The following RIOK2 variants were observed in gnomAD, a reference collection of about 807,000 sequenced individuals.
The protein encoded by RIOK2 is serine/threonine-protein kinase RIO2.
Under a neutral mutation model 62.4 loss-of-function variants are expected in RIOK2, and 46 were observed. That is an observed-to-expected ratio of 0.74 (90% CI 0.58 to 0.94). The LOEUF (loss-of-function observed/expected upper bound fraction) is 0.94. RIOK2 is among the 40% of genes least tolerant of loss of function. RIOK2 has a pLI of 0.00. For synonymous variants in RIOK2, 197 were observed against 216.0 expected (o/e 0.91, Z 0.77); for missense variants, 574 against 658.0 (o/e 0.87, Z 1.40).
At chr5:97,179,978 AT>A (rs1424052766) in intron 1 of RIOK2, among the ~76,000 whole-genome samples, 1 of 22,132 alleles carries the variant, frequency 4.5e-5, no homozygotes, top group African/African-American at 1.3e-4. Flanking sequence ...TATATATATA[AT>A]ATATATATAT....
intron 8 of RIOK2, 25 bp downstream of exon 8, chr5:97,167,442 A>G (rs1437063215): frequency 6.3e-6 from 10 of 1,596,896 alleles, no homozygotes; most frequent in Admixed American, 5.4e-5. Flanking sequence ...ACTAAAGTTA[A>G]AAAGCAATCG....
Position 97,163,108 on chromosome 5 carries a change from G to C in RIOK2, c.1612C>G (p.Gln538Glu). ...IFTKQRRENM[Q>E]NIKSSLEAAS... ...GCTTCCAAACTTGATTTGATATTTT[G>C]CATGTTTTCCCTACGTTGCTTGGTA... is the stretch of plus-strand genomic sequence containing the variant. The change falls in exon 10 of 10, where the codon CAA (glutamine) becomes GAA (glutamate). Residue 538 changes from glutamine (Q) to glutamate (E), a missense_variant. Coordinates refer to ENST00000283109, the MANE Select transcript of RIOK2 (RefSeq NM_018343.3). The C allele has an allele frequency of 6.2e-7, 1 of 1,613,116 alleles. No individual in the cohort carries two copies. The highest frequency in any genetic ancestry group is 8.5e-7 in the Non-Finnish European group (1 of 1,179,618).
Position 97,168,743 on chromosome 5 carries a change from C to A in RIOK2, c.872+17G>T. 7.0e-7 allele frequency: 1 copy of A among 1,431,176 alleles called. No homozygotes were observed. The highest frequency in any genetic ancestry group is 9.6e-7 in the Non-Finnish European group (1 of 1,039,738). The allele number at this position is 1,431,176 out of a possible 1,614,324, so 88.7% of individuals were successfully genotyped here. A position where few individuals can be genotyped will look rare whatever the true frequency, so the allele number is the denominator to read the frequency against. On this transcript the variant is annotated intron_variant, in intron 7 of 9. Transcript: ENST00000283109. ...ATTTAAACTGTTCTATTATGTAAAGCAATGGGGAGTACAAACCTGATATCC... is the reference window on the plus strand; with the variant it reads ...ATTTAAACTGTTCTATTATGTAAAGAAATGGGGAGTACAAACCTGATATCC...
Position 97,171,240 on chromosome 5 carries a change from G to T in RIOK2, c.745C>A (p.Gln249Lys), listed in dbSNP as rs528772800. 6.3e-7 allele frequency: 1 copy of T among 1,590,272 alleles called. No individual in the cohort carries two copies. The highest frequency in any genetic ancestry group is 1.1e-5 in the South Asian group (1 of 87,118). Residue 249 changes from glutamine to lysine, a missense_variant, in exon 6 of 10, where the codon CAG becomes AAG. Gln to Lys is a moderately conservative substitution (Grantham distance 53). Transcript: ENST00000283109. ...TTGGGATGAGAAGTTGAAACCATCT[G>T]TGGAAAATCAATCATGGTGATATGG... ...SDHITMIDFP[Q>K]MVSTSHPNAE... is the part of the protein sequence containing the mutation.
rs1307090024 is a variant in RIOK2 at position 97,178,872 on chromosome 5, T to G, written c.205+183A>C. 7.3e-6 allele frequency: 5 copies of G among 686,910 alleles called. No homozygotes were observed. The East Asian group carries it at 1.4e-4, about 19-fold the overall frequency. 42.6% of individuals were successfully genotyped at this position (686,910 alleles called of 1,614,324 possible). A position where few individuals can be genotyped will look rare whatever the true frequency, so the allele number is the denominator to read the frequency against. On this transcript the variant is annotated intron_variant, in intron 2 of 9. Transcript: ENST00000283109. ...TTCTTACTACTATTCTTTTTTCACC[T>G]CCTTTGATCTGGGTGTGCCCTGTGA...
rs1164905430 is a variant in RIOK2, at chr5:97,167,650, C to G, written c.1214G>C (p.Gly405Ala). ...TACAGAGTTGTTTTCAACAACCTGC[C>G]CTTTTATTTCTTCTAAAGCTTGATT... is the stretch of plus-strand genomic sequence containing the variant. ...EFNQALEEIK[G>A]QVVENNSVTE... The change falls in exon 8 of 10, where the codon GGG (glycine) becomes GCG (alanine). Residue 405 changes from glycine (G) to alanine (A), a missense_variant. By Grantham distance (60) the Gly-to-Ala change is moderately conservative. Transcript: ENST00000283109. 1.9e-6 allele frequency: 3 copies of G among 1,614,040 alleles called. No individual in the cohort carries two copies. The highest frequency in any genetic ancestry group is 2.7e-5 in the African/African-American group (2 of 74,918).
Position 97,162,770 on chromosome 5 carries a change from T to A in RIOK2, c.*291A>T. 3.3e-6 allele frequency: 1 copy of A among 299,356 alleles called. No homozygotes were observed. The highest frequency in any genetic ancestry group is 6.2e-6 in the Non-Finnish European group (1 of 162,262). The allele number at this position is 299,356 out of a possible 1,614,324, so 18.5% of individuals were successfully genotyped here. A position where few individuals can be genotyped will look rare whatever the true frequency, so the allele number is the denominator to read the frequency against. ...GCTTTATGTGCATTGTAGCATATCATCCTCAACAAACAGAAAACAACAAAA... is the reference window on the plus strand; with the variant it reads ...GCTTTATGTGCATTGTAGCATATCAACCTCAACAAACAGAAAACAACAAAA... On this transcript the variant is annotated 3_prime_UTR_variant, in exon 10 of 10. Coordinates refer to ENST00000283109, the MANE Select transcript of RIOK2 (RefSeq NM_018343.3).
chr5:97,171,198 G>A lies in RIOK2; in HGVS notation c.779+8C>T. The A allele has an allele frequency of 6.9e-7, 1 of 1,452,928 alleles. No individual in the cohort carries two copies. The highest frequency in any genetic ancestry group is 2.5e-5 in the East Asian group (1 of 40,456). 90.0% of individuals were successfully genotyped at this position (1,452,928 alleles called of 1,614,324 possible). On this transcript the variant is annotated splice_region_variant and intron_variant, in intron 6 of 9. Transcript: ENST00000283109. The stretch of plus-strand genomic sequence containing the variant: ...TAAAATAAAAATAAAAAAATAGCAA[G>A]TACGTACCACTCAGCATTGGGATGA...
At chr5:97,175,436 T>C (rs1223141007) in intron 4 of RIOK2, among the ~76,000 whole-genome samples, 1 of 152,244 alleles carries the variant, frequency 6.6e-6, no homozygotes, top group Non-Finnish European at 1.5e-5. Context: ...CTCTTATGAA[T>C]AATCAATACA....
intron 6 of RIOK2, among the ~76,000 whole-genome samples, chr5:97,170,478 T>TA (rs1337000104): frequency 2.0e-5 from 3 of 152,216 alleles, no homozygotes; most frequent in Admixed American, 6.5e-5. Flanking sequence ...GATTACTGAG[T>TA]TATACTTGGT....
Position 97,176,946 on chromosome 5 carries a change from TA to T in RIOK2, c.498+169del, listed in dbSNP as rs1304341390. 23 of 597,308 alleles carry T rather than the reference TA, an allele frequency of 3.9e-5. No homozygotes were observed. The Admixed American group carries it at 4.7e-4, about 12-fold the overall frequency. The allele number at this position is 597,308 out of a possible 1,614,324, so 37.0% of individuals were successfully genotyped here. ...TACCTTAACGTAGAAGGAAATCACT[TA>T]AAAGAGCCCAAATAATCAACAGAGT... is the stretch of plus-strand genomic sequence containing the variant. On this transcript the variant is annotated intron_variant, in intron 4 of 9. Coordinates refer to ENST00000283109, the MANE Select transcript of RIOK2 (RefSeq NM_018343.3).
intron 9 of RIOK2, among the ~76,000 whole-genome samples, chr5:97,164,357 C>T (rs1748785250): frequency 6.6e-6 from 1 of 151,842 alleles, no homozygotes; most frequent in South Asian, 2.1e-4. Context: ...AAAAATTAGC[C>T]AGCCATGGTG....
chr5:97,168,892 C>T (rs1413811962), intron 6 of RIOK2, 40 bp from the exon 7 acceptor site: 3 of 1,269,442 alleles, frequency 2.4e-6, no homozygotes, highest in Non-Finnish European at 2.2e-6. Flanking sequence ...GTCTTTATTG[C>T]TCCTCTTTTT....
rs1194223378 is a variant in RIOK2, at chr5:97,179,149, C to T, written c.111G>A (p.Leu37=). 6.2e-7 allele frequency: 1 copy of T among 1,613,934 alleles called. No individual in the cohort carries two copies. The highest frequency in any genetic ancestry group is 1.3e-5 in the African/African-American group (1 of 75,068). ...MKNHEIVPGS[L]IASIASLKHG... ...GTTTAAGGCTGGCTATAGAAGCAAT[C>T]AAACTGCCGGGAACAATTTCATGGT... Residue 37 remains leucine (L), a synonymous_variant, in exon 2 of 10, where the codon TTG becomes TTA. Transcript: ENST00000283109.
At chr5:97,168,060 T>C in intron 7 of RIOK2, 69 bp from the exon 8 acceptor site, 1 of 1,423,268 alleles carries the variant, frequency 7.0e-7, no homozygotes, top group Non-Finnish European at 9.3e-7. Flanking sequence ...AAATATCTAC[T>C]ACTCTGATAA....
At position 97,177,866 on chromosome 5, in the gene RIOK2, C is replaced by T. The variant is rs768155269; in HGVS notation, c.206-18G>A. The T allele has an allele frequency of 6.9e-7, 1 of 1,452,620 alleles. No individual in the cohort carries two copies. Among genetic ancestry groups the T allele is most frequent in the Admixed American group, 1.8e-5 (1 of 55,808 alleles). 90.0% of individuals were successfully genotyped at this position (1,452,620 alleles called of 1,614,324 possible). A position where few individuals can be genotyped will look rare whatever the true frequency, so the allele number is the denominator to read the frequency against. On this transcript the variant is annotated intron_variant, in intron 2 of 9. Transcript: ENST00000283109. ...CTGGACAGCTAGACAAAAATCAAAG[C>T]ATAAAGACCATATTTCAGTTACATT...
chr5:97,172,594 T>C (rs535714497), intron 5 of RIOK2, among the ~76,000 whole-genome samples: 3 of 152,310 alleles, frequency 2.0e-5, no homozygotes, highest in African/African-American at 7.2e-5. Context: ...CCAGAGTCTA[T>C]TAATTCAGCA....
intron 8 of RIOK2, chr5:97,166,369 C>CA (rs1218995690): frequency 2.3e-6 from 1 of 442,874 alleles, no homozygotes; most frequent in Non-Finnish European, 4.5e-6. Context: ...CACAGATACA[C>CA]AGCTATATGA....
At chr5:97,166,913 GTA>G (rs879481397) in intron 8 of RIOK2, 2,344 of 913,866 alleles carry the variant, frequency 2.6e-3, no homozygotes, top group Middle Eastern at 3.9e-3. Context: ...TCATCAGTTT[GTA>G]TATATATATA....
Sources: allele counts gnomAD v4.1 joint callset (sites outside exome capture counted in the v4.1 genomes callset), GRCh38; gene constraint gnomAD v4.1.1; transcripts MANE v1.5; gene names NCBI Gene and HGNC (gene_info 2026-07-23, HGNC 2026-07-21).